Variants in USP34 observed in about 807,000 individuals in gnomAD.
USP34 encodes the protein ubiquitin carboxyl-terminal hydrolase 34.
USP34 carries 70 observed loss-of-function variants against 460.3 expected under a neutral mutation model. That is an observed-to-expected ratio of 0.15 (90% CI 0.13 to 0.19). The LOEUF (loss-of-function observed/expected upper bound fraction) is 0.19, where lower values mean the gene tolerates loss of function less well. Ranked by LOEUF, USP34 falls within the 10% of genes least tolerant of loss-of-function variation. USP34 has a pLI of 1.00. For synonymous variants in USP34, 1,647 were observed against 1,405.3 expected, an observed-to-expected ratio of 1.17 and a Z score of -3.85; for missense variants, 3,985 against 4,236.2, an observed-to-expected ratio of 0.94 and a Z score of 1.65.
chr2:61,216,460 C>A (rs1397373974), intron 67 of USP34, among the ~76,000 whole-genome samples: 1 of 151,350 alleles, frequency 6.6e-6, no homozygotes, highest in African/African-American at 2.4e-5. Flanking sequence ...ATTAGCCAGG[C>A]GTGGTGGTGA....
intron 15 of USP34, among the ~76,000 whole-genome samples, chr2:61,345,494 G>C (rs897952463): frequency 1.3e-5 from 2 of 152,170 alleles, no homozygotes; most frequent in African/African-American, 4.8e-5. Flanking sequence ...GCATACCCAT[G>C]ATTCACCATA....
At chr2:61,279,276 A>T (rs1307232587) in intron 39 of USP34, among the ~76,000 whole-genome samples, 1 of 152,264 alleles carries the variant, frequency 6.6e-6, no homozygotes, top group East Asian at 1.9e-4. Context: ...TTTTAAATGT[A>T]AAGTGAACAT....
intron 69 of USP34, among the ~76,000 whole-genome samples, chr2:61,209,956 T>G (rs1327698050): frequency 6.6e-6 from 1 of 152,126 alleles, no homozygotes; most frequent in Non-Finnish European, 1.5e-5. Flanking sequence ...AAAAAAAATT[T>G]AAATATGAAA....
Position 61,214,089 on chromosome 2 carries a change from G to T in USP34, c.8653C>A (p.Leu2885Ile). The T allele has an allele frequency of 6.2e-7, 1 of 1,614,220 alleles. No individual in the cohort carries two copies. The highest frequency in any genetic ancestry group is 2.2e-5 in the East Asian group (1 of 44,890). Residue 2885 changes from leucine to isoleucine, a missense_variant, in exon 68 of 80, where the codon CTT becomes ATT. Physicochemically the swap from Leu to Ile is conservative, Grantham distance 5. Transcript: ENST00000398571. Reference sequence around the variant, plus strand: ...GGGTATTGGCTGGCATGTGGTGTAAGATTCTTAAAGGCCCACTGGATGTTC... The same window carrying T: ...GGGTATTGGCTGGCATGTGGTGTAATATTCTTAAAGGCCCACTGGATGTTC... ...HQNIQWAFKN[L>I]TPHASQYPGA...
In USP34 at chr2:61,392,268, C is replaced by A. The variant is rs565991608; in HGVS notation, c.753+2585G>T. Among the ~76,000 whole-genome samples, 440 of 152,182 alleles carry A rather than the reference C, an allele frequency of 2.9e-3. 3 individuals carry two copies. The highest frequency in any genetic ancestry group is 1.0e-2 in the African/African-American group (415 of 41,522). ...GGAGGTTTGCTTGAGCCTGGGAGAT[C>A]AAGGCTGCAGTCAGCTGCTACTACC... On this transcript the variant is annotated intron_variant, in intron 5 of 79. Transcript: ENST00000398571.
rs1691907936 is a variant in USP34, at chr2:61,350,317, T to C, written c.1450A>G (p.Lys484Glu). The change falls in exon 12 of 80, where the codon AAA (lysine) becomes GAA (glutamate). Residue 484 changes from lysine (K) to glutamate (E), a missense_variant. By Grantham distance (56) the Lys-to-Glu change is moderately conservative. Around this residue, in one of 14 missense-constraint regions of USP34, gnomAD observed 716 missense variants for 626.2 expected, o/e 1.14. Transcript: ENST00000398571. ...AATAAAGATGCAAAAGAACTCTGTT[T>C]AGATAACTGAGCCTTAGCTGCTAGT... ...NALAAKAQLS[K>E]QSSFASLLNT... The C allele has an allele frequency of 6.2e-7, 1 of 1,613,570 alleles. No individual in the cohort carries two copies. The highest frequency in any genetic ancestry group is 8.5e-7 in the Non-Finnish European group (1 of 1,179,642).
At chr2:61,391,013 T>C (rs1368168696) in intron 5 of USP34, among the ~76,000 whole-genome samples, 2 of 151,712 alleles carry the variant, frequency 1.3e-5, no homozygotes, top group East Asian at 3.9e-4. Context: ...GAGAATCGCT[T>C]GAATCTGGGA....
chr2:61,437,164 G>A (rs756327036), intron 1 of USP34, among the ~76,000 whole-genome samples: 15 of 152,040 alleles, frequency 9.9e-5, no homozygotes, highest in African/African-American at 1.7e-4. Context: ...ATTAGACAAC[G>A]AAGATCAATA....
At chr2:61,291,678 C>T (rs1689856707) in intron 33 of USP34, among the ~76,000 whole-genome samples, 1 of 152,132 alleles carries the variant, frequency 6.6e-6, no homozygotes, top group South Asian at 2.1e-4. Context: ...AGATTCTTAG[C>T]ATTGGGAAAA....
intron 7 of USP34, among the ~76,000 whole-genome samples, chr2:61,379,502 C>T (rs1426795637): frequency 1.3e-5 from 2 of 152,064 alleles, no homozygotes; most frequent in African/African-American, 2.4e-5. Context: ...AATGGGACTC[C>T]ATCTCCAAGA....
At chr2:61,466,183 G>C (rs1481961117) in intron 1 of USP34, among the ~76,000 whole-genome samples, 1 of 152,086 alleles carries the variant, frequency 6.6e-6, no homozygotes, top group Non-Finnish European at 1.5e-5. Context: ...CCAGCACTTT[G>C]GGAGGCCAAG....
At chr2:61,215,987 G>A (rs188340715) in intron 67 of USP34, among the ~76,000 whole-genome samples, 1 of 151,976 alleles carries the variant, frequency 6.6e-6, no homozygotes. Context: ...TCTGAGTTTG[G>A]GTTCTTTTCA....
chr2:61,189,939 T>A (rs1686578769), intron 78 of USP34: 1 of 193,914 alleles, frequency 5.2e-6, no homozygotes, highest in Non-Finnish European at 1.0e-5. Flanking sequence ...GATCATTAAT[T>A]GTTTCAGTTA....
Position 61,259,780 on chromosome 2 carries a change from A to C in USP34, c.5779-4T>G. 2 of 1,612,358 alleles carry C rather than the reference A, an allele frequency of 1.2e-6. No individual in the cohort carries two copies. Among genetic ancestry groups the C allele is most frequent in the Non-Finnish European group, 8.5e-7 (1 of 1,179,646 alleles). On this transcript the variant is annotated splice_polypyrimidine_tract_variant and splice_region_variant and intron_variant, in intron 43 of 79. Coordinates refer to ENST00000398571, the MANE Select transcript of USP34 (RefSeq NM_014709.4). Reference sequence around the variant, plus strand: ...TGTGCTTCATATCCTCTGAATACTGAAAATCAAGAGAAAACACCATTAAAA... The same window carrying C: ...TGTGCTTCATATCCTCTGAATACTGCAAATCAAGAGAAAACACCATTAAAA...
Position 61,295,285 on chromosome 2 carries a change from A to C in USP34, c.4260T>G (p.Asn1420Lys). Residue 1420 changes from asparagine (N) to lysine (K), a missense_variant, in exon 31 of 80, where the codon AAT (asparagine) becomes AAG (lysine). By Grantham distance (94) the Asn-to-Lys change is moderately conservative. Transcript: ENST00000398571. Reference protein sequence around the residue: ...AFQNISDEQSNDGFNWKELLK... With the variant: ...AFQNISDEQSKDGFNWKELLK... ...GAAGTTCTTTCCAATTAAATCCATC[A>C]TTACTCTTAAATTAGAAAAACATGT... 1 of 1,593,132 alleles carries C rather than the reference A, an allele frequency of 6.3e-7. No homozygotes were observed. Among genetic ancestry groups the C allele is most frequent in the Non-Finnish European group, 8.5e-7 (1 of 1,172,626 alleles).
At chr2:61,205,638 A>G (rs1406577397) in intron 72 of USP34, among the ~76,000 whole-genome samples, 1 of 152,234 alleles carries the variant, frequency 6.6e-6, no homozygotes, top group Non-Finnish European at 1.5e-5. Flanking sequence ...ACAGCTACTG[A>G]GAAGTATCTT....
chr2:61,462,549 CAA>C (rs112630836), intron 1 of USP34, among the ~76,000 whole-genome samples: 25 of 104,178 alleles, frequency 2.4e-4, no homozygotes, highest in Admixed American at 2.0e-4. Context: ...ACTCCGTCTC[CAA>C]AAAAAAAAAA....
intron 25 of USP34, among the ~76,000 whole-genome samples, chr2:61,313,538 C>T (rs1019467603): frequency 2.6e-5 from 4 of 152,138 alleles, no homozygotes; most frequent in African/African-American, 9.6e-5. Flanking sequence ...TTCTACATCA[C>T]AGTGTAATAT....
intron 34 of USP34, among the ~76,000 whole-genome samples, chr2:61,286,145 A>G (rs1041403993): frequency 7.2e-5 from 11 of 152,202 alleles, no homozygotes; most frequent in Non-Finnish European, 1.2e-4. Flanking sequence ...AATGCTATTA[A>G]AAAGATCACA....
Sources: gnomAD v4.1 joint callset for allele counts (sites outside exome capture counted in the v4.1 genomes callset) on GRCh38, gnomAD v4.1.1 for gene constraint, gnomAD v4.1.1 regional missense constraint, MANE v1.5 for transcripts, NCBI Gene and HGNC (gene_info 2026-07-23, HGNC 2026-07-21) for gene names.